The following ONECUT3 variants were observed in gnomAD, a reference collection of about 807,000 sequenced individuals.
ONECUT3 encodes one cut domain family member 3.
In ONECUT3, 11 loss-of-function variants were observed where a neutral mutation model predicts 16.8. That is an observed-to-expected ratio of 0.66 (90% CI 0.41 to 1.09). The LOEUF (loss-of-function observed/expected upper bound fraction) is 1.09, where lower values mean the gene tolerates loss of function less well. Among genes scored for constraint, ONECUT3 ranks in the 50% least tolerant of loss-of-function variants. The pLI is 0.00. For synonymous variants in ONECUT3, 344 were observed against 310.7 expected, an observed-to-expected ratio of 1.11 and a Z score of -1.13; for missense variants, 637 against 629.9, an observed-to-expected ratio of 1.01 and a Z score of -0.12.
intron 1 of ONECUT3, among the ~76,000 whole-genome samples, chr19:1,768,909 AGGT>A (rs2068021782): frequency 1.0e-5 from 1 of 99,556 alleles, no homozygotes; most frequent in Non-Finnish European, 2.2e-5. Context: ...GAGGTGGTGG[AGGT>A]GGAGGTGGTG....
intron 1 of ONECUT3, among the ~76,000 whole-genome samples, chr19:1,760,132 C>T (rs1490640782): frequency 6.6e-6 from 1 of 152,254 alleles, no homozygotes; most frequent in Non-Finnish European, 1.5e-5. Flanking sequence ...CGATGCGGTT[C>T]CCATGCCCAC....
intron 1 of ONECUT3, among the ~76,000 whole-genome samples, chr19:1,765,643 C>G (rs1333403387): frequency 6.6e-6 from 1 of 152,190 alleles, no homozygotes; most frequent in Non-Finnish European, 1.5e-5. Context: ...GTTGCAGGTC[C>G]GTGCTTCGGC....
Position 1,762,781 on chromosome 19 carries a change from C to G in ONECUT3, c.1192+7927C>G, listed in dbSNP as rs1386473148. Reference sequence around the variant, plus strand: ...CCAGGGGAAACCGCGCCGCACCAGGCGCGAGTGTTCTTCTTCCTTGTCTGG... The same window carrying G: ...CCAGGGGAAACCGCGCCGCACCAGGGGCGAGTGTTCTTCTTCCTTGTCTGG... On this transcript the variant is annotated intron_variant, in intron 1 of 1. Coordinates refer to ENST00000382349, the MANE Select transcript of ONECUT3 (RefSeq NM_001080488.2). The surrounding 1 kb of genome is among the most constrained non-coding windows in gnomAD (Gnocchi z 4.4). Among the ~76,000 whole-genome samples the G allele has an allele frequency of 6.6e-6, 1 of 150,618 alleles. No homozygotes were observed. Among genetic ancestry groups the G allele is most frequent in the Non-Finnish European group, 1.5e-5 (1 of 67,844 alleles).
chr19:1,758,997 TG>T lies in ONECUT3; in HGVS notation c.1192+4146del, dbSNP rs1041260218. 2.0e-5 allele frequency among the ~76,000 whole-genome samples: 3 copies of T among 152,112 alleles called. No individual in the cohort carries two copies. The highest frequency in any genetic ancestry group is 7.2e-5 in the African/African-American group (3 of 41,420). On this transcript the variant is annotated intron_variant, in intron 1 of 1. Coordinates refer to ENST00000382349, the MANE Select transcript of ONECUT3 (RefSeq NM_001080488.2). The surrounding 1 kb of genome is among the most constrained non-coding windows in gnomAD (Gnocchi z 5.9). ...GAAAGAAGGGCCTCATCTCCTCCTGTGGGCACCATGGGGAGGCAGGAGCCCA... is the reference window on the plus strand; with the variant it reads ...GAAAGAAGGGCCTCATCTCCTCCTGTGGCACCATGGGGAGGCAGGAGCCCA...
At chr19:1,768,112 G>C (rs527562461) in intron 1 of ONECUT3, among the ~76,000 whole-genome samples, 1 of 152,098 alleles carries the variant, frequency 6.6e-6, no homozygotes, top group African/African-American at 2.4e-5. Context: ...TGGGCATCCT[G>C]TCAGGACCCA....
chr19:1,759,480 AGAGGAG>A lies in ONECUT3; in HGVS notation c.1192+4639_1192+4644del, dbSNP rs139354138. 1.3e-5 allele frequency among the ~76,000 whole-genome samples: 2 copies of A among 150,158 alleles called. No individual in the cohort carries two copies. The highest frequency in any genetic ancestry group is 6.6e-5 in the Admixed American group (1 of 15,098). ...GGATGAAGGGGAGGGATGAGCAGGG[AGAGGAG>A]GAGGAGGAGGAGAGGGAAGGGAGGG... On this transcript the variant is annotated intron_variant, in intron 1 of 1. Coordinates refer to ENST00000382349, the MANE Select transcript of ONECUT3 (RefSeq NM_001080488.2). This position sits in a 1 kb window ranked among gnomAD's most constrained non-coding sequence, Gnocchi z 4.1.
chr19:1,760,338 A>G (rs938199792), intron 1 of ONECUT3, among the ~76,000 whole-genome samples: 9 of 146,140 alleles, frequency 6.2e-5, no homozygotes, highest in Admixed American at 4.1e-4. Flanking sequence ...TCCAGCAGAG[A>G]TGGGGGAGCA....
intron 1 of ONECUT3, among the ~76,000 whole-genome samples, chr19:1,756,624 G>C (rs1568592185): frequency 6.6e-6 from 1 of 151,654 alleles, no homozygotes; most frequent in Non-Finnish European, 1.5e-5. Context: ...CTGCCTCCCA[G>C]GTTCAAGCGA....
In ONECUT3 at chr19:1,762,588, C is replaced by T. The variant is rs1225409281; in HGVS notation, c.1192+7734C>T. On this transcript the variant is annotated intron_variant, in intron 1 of 1. Transcript: ENST00000382349. This position sits in a 1 kb window ranked among gnomAD's most constrained non-coding sequence, Gnocchi z 4.4. ...GGGTGTGTGGATCCCAGAGCGCGCC[C>T]GGCCCCCAACAGCCTGACAGGACCT... Among the ~76,000 whole-genome samples, 1 of 152,068 alleles carries T rather than the reference C, an allele frequency of 6.6e-6. No homozygotes were observed. Among genetic ancestry groups the T allele is most frequent in the Non-Finnish European group, 1.5e-5 (1 of 67,964 alleles).
intron 1 of ONECUT3, among the ~76,000 whole-genome samples, chr19:1,763,022 C>A (rs1693848358): frequency 6.6e-6 from 1 of 152,228 alleles, no homozygotes; most frequent in Middle Eastern, 3.4e-3. Flanking sequence ...GAGTTCCAGA[C>A]CAGCCTGGGC....
At position 1,767,500 on chromosome 19, in the gene ONECUT3, G is replaced by A. The variant is rs141348262; in HGVS notation, c.1193-7653G>A. 1.9e-3 allele frequency among the ~76,000 whole-genome samples: 285 copies of A among 152,284 alleles called. 1 individual carries two copies. Among genetic ancestry groups the A allele is most frequent in the African/African-American group, 6.4e-3 (267 of 41,554 alleles). The stretch of plus-strand genomic sequence containing the variant: ...GTGTGTGTGGGCCAAATCCCAAGGG[G>A]TCTGCAGGAAACGCCTTCATCCGGA... On this transcript the variant is annotated intron_variant, in intron 1 of 1. Coordinates refer to ENST00000382349, the MANE Select transcript of ONECUT3 (RefSeq NM_001080488.2).
At chr19:1,768,180 G>C (rs538770884) in intron 1 of ONECUT3, among the ~76,000 whole-genome samples, 9 of 152,084 alleles carry the variant, frequency 5.9e-5, no homozygotes, top group Admixed American at 5.9e-4. Flanking sequence ...AAAAGAAGGG[G>C]TGTGGCAGGG....
intron 1 of ONECUT3, among the ~76,000 whole-genome samples, chr19:1,773,143 C>T (rs192447390): frequency 3.9e-5 from 6 of 151,986 alleles, no homozygotes; most frequent in East Asian, 3.9e-4. Flanking sequence ...TTCATGGATA[C>T]GATATTTTTC....
In ONECUT3 at chr19:1,768,095, C is replaced by T. The variant is rs548156497; in HGVS notation, c.1193-7058C>T. ...CCTGGAGGAGGTGCAGGGCTGGCTG[C>T]ATGGAGTGGGCATCCTGTCAGGACC... is the stretch of plus-strand genomic sequence containing the variant. On this transcript the variant is annotated intron_variant, in intron 1 of 1. Transcript: ENST00000382349. 1.5e-3 allele frequency among the ~76,000 whole-genome samples: 228 copies of T among 152,230 alleles called. 1 individual carries two copies. The highest frequency in any genetic ancestry group is 2.5e-3 in the Admixed American group (38 of 15,298).
intron 1 of ONECUT3, among the ~76,000 whole-genome samples, chr19:1,760,048 G>A (rs561327148): frequency 6.6e-6 from 1 of 152,348 alleles, no homozygotes; most frequent in South Asian, 2.1e-4. Flanking sequence ...AGGGAGATGG[G>A]GAGGGGTCCC....
chr19:1,773,438 T>C (rs8111587), intron 1 of ONECUT3, among the ~76,000 whole-genome samples: 108,504 of 152,132 alleles, frequency 0.71, 39,597 homozygotes, highest in East Asian at 0.84. Context: ...CCTAGACGGG[T>C]GAACCTGTTG....
At position 1,777,150 on chromosome 19, in the gene ONECUT3, C is replaced by G. The variant is rs569720505; in HGVS notation, c.*1705C>G. 2 of 152,448 alleles carry G rather than the reference C, an allele frequency of 1.3e-5. No individual in the cohort carries two copies. The highest frequency in any genetic ancestry group is 3.9e-4 in the East Asian group (2 of 5,186). The allele number at this position is 152,448 out of a possible 1,614,324, so 9.4% of individuals were successfully genotyped here. On this transcript the variant is annotated 3_prime_UTR_variant, in exon 2 of 2. Transcript: ENST00000382349. ...TGGAGTGTTCTCTTGTCCTTATCGA[C>G]TTGCTCTGCTCCCAGCTTTCCAAGC...
rs1357298818 is a variant in ONECUT3 at position 1,780,815 on chromosome 19, G to C, written c.*5370G>C. The C allele has an allele frequency of 6.6e-6, 1 of 152,216 alleles. No individual in the cohort carries two copies. The highest frequency in any genetic ancestry group is 6.5e-5 in the Admixed American group (1 of 15,276). The allele number at this position is 152,216 out of a possible 1,614,324, so 9.4% of individuals were successfully genotyped here. A position where few individuals can be genotyped will look rare whatever the true frequency, so the allele number is the denominator to read the frequency against. On this transcript the variant is annotated 3_prime_UTR_variant, in exon 2 of 2. Coordinates refer to ENST00000382349, the MANE Select transcript of ONECUT3 (RefSeq NM_001080488.2). The stretch of plus-strand genomic sequence containing the variant: ...GAGCTCAGCCGGGGGTGACGGAAGA[G>C]CCAGGAGGCCCTGCGGCCTTGAGTG...
intron 1 of ONECUT3, among the ~76,000 whole-genome samples, chr19:1,761,343 G>C (rs1019781720): frequency 6.6e-6 from 1 of 152,136 alleles, no homozygotes; most frequent in African/African-American, 2.4e-5. Context: ...ATGAACCACC[G>C]TGCCCAGCCT....
Sources: gnomAD v4.1 joint callset for allele counts (sites outside exome capture counted in the v4.1 genomes callset) on GRCh38, gnomAD v4.1.1 for gene constraint, Gnocchi (gnomAD v3.1) non-coding constraint, MANE v1.5 for transcripts, NCBI Gene and HGNC (gene_info 2026-07-23, HGNC 2026-07-21) for gene names.